PTPRD: variants seen among roughly 807,000 people sequenced by gnomAD.
PTPRD encodes receptor-type tyrosine-protein phosphatase delta.
A neutral mutation model predicts 214.5 loss-of-function variants in PTPRD; 34 were observed. That is an observed-to-expected ratio of 0.16 (90% CI 0.12 to 0.21). The LOEUF is 0.21. Among genes scored for constraint, PTPRD ranks in the 10% least tolerant of loss-of-function variants. The pLI, the probability that PTPRD is intolerant of heterozygous loss-of-function variation, is 1.00. For missense variants in PTPRD, 2,545 were observed against 2,398.7 expected, an observed-to-expected ratio of 1.06 and a Z score of -1.27; for synonymous variants, 1,128 against 845.7, an observed-to-expected ratio of 1.33 and a Z score of -5.79.
At chr9:9,219,141 C>T (rs1332196457) in intron 9 of PTPRD, among the ~76,000 whole-genome samples, 1 of 151,958 alleles carries the variant, frequency 6.6e-6, no homozygotes, top group Admixed American at 6.6e-5. Context: ...TTTCAATGTA[C>T]AGATATTTAA....
chr9:10,530,977 T>G (rs2056088223), intron 2 of PTPRD, among the ~76,000 whole-genome samples: 1 of 152,044 alleles, frequency 6.6e-6, no homozygotes, highest in South Asian at 2.1e-4. Context: ...TGAGACAGAT[T>G]CTTGCTCTGT....
chr9:10,281,204 T>C (rs1468884476), intron 3 of PTPRD, among the ~76,000 whole-genome samples: 1 of 152,140 alleles, frequency 6.6e-6, no homozygotes, highest in Non-Finnish European at 1.5e-5. Flanking sequence ...AAGTCAACAA[T>C]AATGATTAAA....
At chr9:8,856,272 C>T (rs1322173902) in intron 11 of PTPRD, among the ~76,000 whole-genome samples, 1 of 152,062 alleles carries the variant, frequency 6.6e-6, no homozygotes, top group Non-Finnish European at 1.5e-5. Flanking sequence ...CCTTGTTTTA[C>T]TCAAGTTGAG....
At chr9:10,340,214 T>C (rs1296824899) in intron 3 of PTPRD, among the ~76,000 whole-genome samples, 1 of 151,910 alleles carries the variant, frequency 6.6e-6, no homozygotes, top group Non-Finnish European at 1.5e-5. Context: ...TGTACATTTG[T>C]TGTCAATGTT....
intron 8 of PTPRD, among the ~76,000 whole-genome samples, chr9:9,570,583 C>A (rs974997919): frequency 6.6e-6 from 1 of 151,396 alleles, no homozygotes. Context: ...TTTGGAATGG[C>A]TGGTGGAGGA....
intron 14 of PTPRD, among the ~76,000 whole-genome samples, chr9:8,557,014 C>T (rs1328757504): frequency 6.6e-6 from 1 of 152,020 alleles, no homozygotes; most frequent in Non-Finnish European, 1.5e-5. Context: ...CATATCAGCA[C>T]AATTTGTAGC....
intron 2 of PTPRD, among the ~76,000 whole-genome samples, chr9:10,543,980 A>G (rs371161311): frequency 5.3e-5 from 8 of 152,292 alleles, no homozygotes; most frequent in Admixed American, 2.0e-4. Context: ...GTTCCACCCA[A>G]TGAATGCATG....
chr9:9,123,068 G>C (rs958695479), intron 10 of PTPRD, among the ~76,000 whole-genome samples: 1 of 152,210 alleles, frequency 6.6e-6, no homozygotes, highest in South Asian at 2.1e-4. Context: ...GACAGAAGGA[G>C]AAATGAGAAC....
intron 11 of PTPRD, among the ~76,000 whole-genome samples, chr9:8,914,270 G>C (rs891366084): frequency 1.3e-5 from 2 of 151,992 alleles, no homozygotes; most frequent in Non-Finnish European, 2.9e-5. Context: ...GAATGCATTT[G>C]AATTTTGAAG....
intron 2 of PTPRD, among the ~76,000 whole-genome samples, chr9:10,442,205 T>C (rs1194760631): frequency 6.6e-6 from 1 of 151,670 alleles, no homozygotes; most frequent in African/African-American, 2.4e-5. Context: ...ATTTAAAATG[T>C]TTCTTAAATC....
intron 10 of PTPRD, among the ~76,000 whole-genome samples, chr9:9,106,662 G>C (rs1175997907): frequency 7.0e-6 from 1 of 141,938 alleles, no homozygotes; most frequent in Admixed American, 7.2e-5. Context: ...TCCTACCTAA[G>C]TTTAATAGGT....
intron 11 of PTPRD, among the ~76,000 whole-genome samples, chr9:8,882,015 G>C (rs972709064): frequency 2.0e-5 from 3 of 152,186 alleles, no homozygotes; most frequent in African/African-American, 7.2e-5. Flanking sequence ...AGAAAAATAA[G>C]TGGAGAAGAG....
At position 9,325,267 on chromosome 9, in the gene PTPRD, A is replaced by G. The variant is rs184715467; in HGVS notation, c.-203+72182T>C. On this transcript the variant is annotated intron_variant, in intron 9 of 45. Transcript: ENST00000381196. ...GCTTGATGGGGATGGCATTGAATGT[A>G]TAAATTACCTTGGGCAGTATGGCCA... Among the ~76,000 whole-genome samples the G allele has an allele frequency of 8.0e-3, 1,224 of 152,270 alleles. 16 individuals carry two copies. Among genetic ancestry groups the G allele is most frequent in the African/African-American group, 0.028 (1,157 of 41,556 alleles).
chr9:8,852,995 T>A (rs114883067), intron 11 of PTPRD, among the ~76,000 whole-genome samples: 2,010 of 152,236 alleles, frequency 0.013, 39 homozygotes, highest in African/African-American at 0.046. Flanking sequence ...ACGGATGTAA[T>A]ACGTAAAGTA....
intron 2 of PTPRD, among the ~76,000 whole-genome samples, chr9:10,391,814 T>C (rs1264478489): frequency 6.6e-6 from 1 of 151,822 alleles, no homozygotes; most frequent in Non-Finnish European, 1.5e-5. Flanking sequence ...ATCCAGATCC[T>C]TACTGTGAAC....
chr9:9,814,621 T>A (rs2048171849), intron 5 of PTPRD, among the ~76,000 whole-genome samples: 1 of 151,964 alleles, frequency 6.6e-6, no homozygotes, highest in Non-Finnish European at 1.5e-5. Flanking sequence ...CAAACAGTGG[T>A]GAAATAAATT....
At chr9:8,718,156 G>A (rs891347154) in intron 12 of PTPRD, among the ~76,000 whole-genome samples, 1 of 152,050 alleles carries the variant, frequency 6.6e-6, no homozygotes, top group Non-Finnish European at 1.5e-5. Flanking sequence ...GCACTTTTTG[G>A]GCTAGCAAAA....
chr9:10,125,671 A>G (rs2098813705), intron 3 of PTPRD, among the ~76,000 whole-genome samples: 1 of 145,312 alleles, frequency 6.9e-6, no homozygotes, highest in African/African-American at 2.6e-5. Context: ...TTTAGTAGAG[A>G]CGGGGTTTCA....
intron 45 of PTPRD, among the ~76,000 whole-genome samples, chr9:8,318,740 T>C (rs1041102362): frequency 6.6e-5 from 10 of 152,026 alleles, no homozygotes; most frequent in African/African-American, 2.2e-4. Context: ...AAAAAAGCAG[T>C]ATGAAGCATG....
Sources: gnomAD v4.1 joint callset for allele counts (sites outside exome capture counted in the v4.1 genomes callset) on GRCh38, gnomAD v4.1.1 for gene constraint, MANE v1.5 for transcripts, NCBI Gene and HGNC (gene_info 2026-07-23, HGNC 2026-07-21) for gene names.